The following DOCK5 variants were observed in gnomAD, a reference collection of about 807,000 sequenced individuals.
DOCK5 encodes the protein dedicator of cytokinesis 5, also known as dedicator of cytokinesis protein 5.
A neutral mutation model predicts 251.8 loss-of-function variants in DOCK5; 142 were observed. That is an observed-to-expected ratio of 0.56 (90% CI 0.49 to 0.65). DOCK5 has a LOEUF of 0.65. DOCK5 is among the 30% of genes least tolerant of loss of function. The pLI, the probability that DOCK5 is intolerant of heterozygous loss-of-function variation, is 0.00. For missense variants in DOCK5, 2,111 were observed against 2,312.3 expected (o/e 0.91, Z 1.79); for synonymous variants, 842 against 835.5 (o/e 1.01, Z -0.13).
At chr8:25,376,103 G>GAAAAAAAAAAAAAAAAAAAAAAAAAA (rs59845416) in intron 37 of DOCK5, 1 of 715,328 alleles carries the variant, frequency 1.4e-6, no homozygotes, top group Non-Finnish European at 1.7e-6. Context: ...TGTCTCAAAA[G>GAAAAAAAAAAAAAAAAAAAAAAAAAA]AAAAAAAAAA....
intron 2 of DOCK5, among the ~76,000 whole-genome samples, chr8:25,246,425 C>T (rs77333971): frequency 0.055 from 8,421 of 152,212 alleles, 542 homozygotes; most frequent in African/African-American, 0.16. Context: ...AGACACCCGC[C>T]GCCATGCCTG....
At chr8:25,381,833 T>C (rs6989913) in intron 39 of DOCK5, among the ~76,000 whole-genome samples, 13,664 of 152,052 alleles carry the variant, frequency 0.09, 862 homozygotes, top group African/African-American at 0.18. Context: ...TCTTTAAGGC[T>C]GACCTTGTGA....
intron 2 of DOCK5, among the ~76,000 whole-genome samples, chr8:25,255,717 A>G (rs1187025397): frequency 6.6e-6 from 1 of 152,222 alleles, no homozygotes; most frequent in Non-Finnish European, 1.5e-5. Flanking sequence ...TTTGATTGCA[A>G]TAAATGTACC....
intron 1 of DOCK5, among the ~76,000 whole-genome samples, chr8:25,191,901 A>G (rs1392276560): frequency 1.4e-5 from 2 of 141,308 alleles, no homozygotes; most frequent in African/African-American, 5.3e-5. Flanking sequence ...ATATCTCCTA[A>G]TGCTATCCCT....
intron 1 of DOCK5, among the ~76,000 whole-genome samples, chr8:25,198,905 C>T (rs573632168): frequency 6.6e-6 from 1 of 152,278 alleles, no homozygotes; most frequent in African/African-American, 2.4e-5. Context: ...GCCTGTGTCT[C>T]CTGGGTTTTT....
At chr8:25,290,709 A>G (rs1369610541) in intron 5 of DOCK5, among the ~76,000 whole-genome samples, 1 of 152,186 alleles carries the variant, frequency 6.6e-6, no homozygotes, top group Non-Finnish European at 1.5e-5. Context: ...TATACCAGCT[A>G]TATTCTAGGG....
At chr8:25,271,916 A>G (rs1472746837) in intron 3 of DOCK5, among the ~76,000 whole-genome samples, 1 of 152,234 alleles carries the variant, frequency 6.6e-6, no homozygotes, top group African/African-American at 2.4e-5. Context: ...GCCAAGTGTC[A>G]TCATGGAAAG....
intron 2 of DOCK5, among the ~76,000 whole-genome samples, chr8:25,268,374 A>C (rs1210647186): frequency 6.6e-6 from 1 of 152,154 alleles, no homozygotes; most frequent in Non-Finnish European, 1.5e-5. Flanking sequence ...TTTCCAGAAT[A>C]GTGGTTCTTA....
At chr8:25,189,044 TTC>T (rs1458099026) in intron 1 of DOCK5, among the ~76,000 whole-genome samples, 82 of 20,216 alleles carry the variant, frequency 4.1e-3, no homozygotes, top group African/African-American at 6.6e-3. Context: ...CTTTCTTTCT[TTC>T]TTTTTTTTTT....
chr8:25,287,992 TCTC>T (rs1804385057), intron 5 of DOCK5, among the ~76,000 whole-genome samples: 1 of 151,660 alleles, frequency 6.6e-6, no homozygotes, highest in African/African-American at 2.4e-5. Context: ...TTCAAGCAAT[TCTC>T]CTGCCTCAGC....
chr8:25,397,624 A>T (rs1801368716), intron 45 of DOCK5, among the ~76,000 whole-genome samples: 2 of 152,252 alleles, frequency 1.3e-5, no homozygotes, highest in South Asian at 4.1e-4. Context: ...ACTACTTTTT[A>T]AATACTGTAA....
In DOCK5 at chr8:25,392,806, T is replaced by C. The variant is rs1223790832; in HGVS notation, c.4451T>C (p.Ile1484Thr). 3.1e-6 allele frequency: 5 copies of C among 1,612,980 alleles called. No individual in the cohort carries two copies. The highest frequency in any genetic ancestry group is 1.1e-5 in the South Asian group (1 of 90,666). ...DPDNEFATMW[I>T]ERTTYTTAYT... Reference sequence around the variant, plus strand: ...CCTTCTTGCCACCAGACGATGTGGATTGAACGGACCACGTATACGACTGCA... The same window carrying C: ...CCTTCTTGCCACCAGACGATGTGGACTGAACGGACCACGTATACGACTGCA... The change falls in exon 44 of 52, where the codon ATT becomes ACT. Residue 1484 changes from isoleucine to threonine, a missense_variant. By Grantham distance (89) the Ile-to-Thr change is moderately conservative (BLOSUM62 -1). Transcript: ENST00000276440.
chr8:25,332,829 G>A, intron 20 of DOCK5, 137 bp downstream of exon 20: 1 of 636,202 alleles, frequency 1.6e-6, no homozygotes, highest in East Asian at 3.1e-5. Context: ...GTTTTAGGCT[G>A]AATTCCTAGA....
Position 25,389,246 on chromosome 8 carries a change from G to C in DOCK5, c.4273+14G>C, listed in dbSNP as rs182779409. 1.5e-5 allele frequency: 24 copies of C among 1,611,332 alleles called. No homozygotes were observed. The highest frequency in any genetic ancestry group is 2.0e-5 in the Non-Finnish European group (23 of 1,177,964). ...CCCCCAAGCAGTGTATCCTTTCCGG[G>C]GGGAGTATGGCCCCGAGGCTCTTAT... is the stretch of plus-strand genomic sequence containing the variant. On this transcript the variant is annotated intron_variant, in intron 41 of 51. Transcript: ENST00000276440.
intron 1 of DOCK5, among the ~76,000 whole-genome samples, chr8:25,195,261 T>G (rs1801693422): frequency 6.7e-6 from 1 of 150,102 alleles, no homozygotes; most frequent in African/African-American, 2.5e-5. Flanking sequence ...CTTTTTTTTT[T>G]TTTTTTTTTT....
chr8:25,267,580 T>G (rs1388504748), intron 2 of DOCK5, among the ~76,000 whole-genome samples: 1 of 152,226 alleles, frequency 6.6e-6, no homozygotes, highest in Non-Finnish European at 1.5e-5. Context: ...CTACTCACTG[T>G]GTATATATGG....
chr8:25,341,832 G>A, intron 24 of DOCK5, 23 bp downstream of exon 24: 3 of 1,549,170 alleles, frequency 1.9e-6, no homozygotes, highest in Non-Finnish European at 2.6e-6. Context: ...ACAAAATTTT[G>A]TTCCTTAACT....
chr8:25,302,133 A>G (rs1238465647), intron 9 of DOCK5, among the ~76,000 whole-genome samples, 192 bp from the exon 10 acceptor site: 2 of 152,242 alleles, frequency 1.3e-5, no homozygotes, highest in East Asian at 3.8e-4. Context: ...CTTGTTTACA[A>G]GCACAAAGTC....
At chr8:25,218,483 G>C (rs767358127) in intron 1 of DOCK5, among the ~76,000 whole-genome samples, 71 of 152,212 alleles carry the variant, frequency 4.7e-4, no homozygotes, top group Non-Finnish European at 5.1e-4. Context: ...ACCTTGCCAT[G>C]GTCCAGGGAC....
Sources: gnomAD v4.1 joint callset for allele counts (sites outside exome capture counted in the v4.1 genomes callset) on GRCh38, gnomAD v4.1.1 for gene constraint, MANE v1.5 for transcripts, NCBI Gene and HGNC (gene_info 2026-07-23, HGNC 2026-07-21) for gene names.